GNAI1: variants seen among roughly 807,000 people sequenced by gnomAD.
GNAI1 encodes the protein G protein subunit alpha i1.
A neutral mutation model predicts 38.9 loss-of-function variants in GNAI1; 11 were observed. That is an observed-to-expected ratio of 0.28 (90% CI 0.18 to 0.47). The LOEUF is 0.47. GNAI1 is among the 20% of genes least tolerant of loss of function. GNAI1 has a pLI of 0.99. For missense variants in GNAI1, 317 were observed against 436.9 expected, an observed-to-expected ratio of 0.73 and a Z score of 2.45; for synonymous variants, 166 against 145.1, an observed-to-expected ratio of 1.14 and a Z score of -1.04.
At chr7:80,209,413 G>C (rs759679073) in intron 5 of GNAI1, among the ~76,000 whole-genome samples, 4 of 152,170 alleles carry the variant, frequency 2.6e-5, no homozygotes, top group Non-Finnish European at 5.9e-5. Flanking sequence ...CTCAGTTTTT[G>C]CCAGTTTTAG....
At chr7:80,148,908 G>A (rs574912227) in intron 1 of GNAI1, among the ~76,000 whole-genome samples, 11 of 152,178 alleles carry the variant, frequency 7.2e-5, no homozygotes, top group Non-Finnish European at 1.3e-4. Flanking sequence ...GAGGTGTTCA[G>A]TCTTGAGACT....
rs1789061230 is a variant in GNAI1 at position 80,220,883 on chromosome 7, T to G, written c.*3390T>G. ...TGTTTCGCCTATCCCCACTCTGCCCTTGAGTTCCTCTGAGCCATAATAGTT... is the reference window on the plus strand; with the variant it reads ...TGTTTCGCCTATCCCCACTCTGCCCGTGAGTTCCTCTGAGCCATAATAGTT... On this transcript the variant is annotated 3_prime_UTR_variant, in exon 8 of 8. Transcript: ENST00000649796. 6.6e-6 allele frequency among the ~76,000 whole-genome samples: 1 copy of G among 152,196 alleles called. No homozygotes were observed. The highest frequency in any genetic ancestry group is 2.4e-5 in the African/African-American group (1 of 41,456).
chr7:80,159,851 T>C (rs1787888353), intron 1 of GNAI1, among the ~76,000 whole-genome samples: 1 of 152,152 alleles, frequency 6.6e-6, no homozygotes, highest in South Asian at 2.1e-4. Flanking sequence ...AATCTCCTTA[T>C]CTGTGAAATT....
intron 1 of GNAI1, among the ~76,000 whole-genome samples, chr7:80,146,863 T>G (rs1230280571): frequency 6.6e-6 from 1 of 152,206 alleles, no homozygotes; most frequent in Non-Finnish European, 1.5e-5. Context: ...ATTCATCATG[T>G]TCTAGATATT....
intron 1 of GNAI1, among the ~76,000 whole-genome samples, chr7:80,144,244 G>A (rs1210359377): frequency 5.5e-5 from 7 of 127,604 alleles, no homozygotes; most frequent in African/African-American, 2.1e-4. Context: ...TTTTTTTTTT[G>A]GAAAATAAAG....
At chr7:80,170,833 C>T (rs1490459892) in intron 1 of GNAI1, among the ~76,000 whole-genome samples, 5 of 152,098 alleles carry the variant, frequency 3.3e-5, no homozygotes, top group Admixed American at 2.0e-4. Context: ...GACACAGACC[C>T]AAACCATATT....
At chr7:80,211,350 G>A (rs1335152682) in intron 6 of GNAI1, among the ~76,000 whole-genome samples, 1 of 151,912 alleles carries the variant, frequency 6.6e-6, no homozygotes, top group African/African-American at 2.4e-5. Flanking sequence ...CATAGCACAT[G>A]GAAATATAGT....
chr7:80,174,924 T>C (rs1484241724), intron 1 of GNAI1, among the ~76,000 whole-genome samples: 1 of 152,232 alleles, frequency 6.6e-6, no homozygotes, highest in African/African-American at 2.4e-5. Context: ...AAAGTATTAT[T>C]ATTTTCATTA....
chr7:80,157,533 A>G (rs79796548), intron 1 of GNAI1, among the ~76,000 whole-genome samples: 3,285 of 152,328 alleles, frequency 0.022, 52 homozygotes, highest in Middle Eastern at 0.034. Flanking sequence ...TGTGTTCCAC[A>G]GAGACTGTAC....
Position 80,203,735 on chromosome 7 carries a change from C to A in GNAI1, c.493C>A (p.Pro165Thr), listed in dbSNP as rs745806214. 6.0e-5 allele frequency: 95 copies of A among 1,593,772 alleles called. 1 individual carries two copies. The highest frequency in any genetic ancestry group is 7.8e-5 in the Non-Finnish European group (91 of 1,164,478). ...GAATGACTTGGACAGAATAGCTCAA[C>A]CAAATTACATCCCGACTCAACAAGA... ...YLNDLDRIAQ[P>T]NYIPTQQDVL... Residue 165 changes from proline to threonine, a missense_variant, in exon 5 of 8, where the codon CCA becomes ACA. Coordinates refer to ENST00000649796, the MANE Select transcript of GNAI1 (RefSeq NM_002069.6).
At chr7:80,172,347 GAAGGTAGTT>G (rs1209967059) in intron 1 of GNAI1, among the ~76,000 whole-genome samples, 3 of 152,212 alleles carry the variant, frequency 2.0e-5, no homozygotes, top group Non-Finnish European at 4.4e-5. Context: ...TTTGGGAGCT[GAAGGTAGTT>G]AAGTTTTGAA....
At chr7:80,197,696 CGCTT>C (rs1193573709) in intron 3 of GNAI1, among the ~76,000 whole-genome samples, 3 of 151,950 alleles carry the variant, frequency 2.0e-5, no homozygotes, top group African/African-American at 4.8e-5. Flanking sequence ...ATGCACGTGT[CGCTT>C]GCATGCATTT....
intron 1 of GNAI1, among the ~76,000 whole-genome samples, chr7:80,153,021 C>T (rs1487816597): frequency 2.6e-5 from 4 of 151,548 alleles, no homozygotes; most frequent in Admixed American, 6.6e-5. Context: ...CTGTATTTAC[C>T]GAAGAATGTA....
At chr7:80,190,782 C>T (rs868271538) in intron 3 of GNAI1, among the ~76,000 whole-genome samples, 6 of 152,078 alleles carry the variant, frequency 3.9e-5, no homozygotes, top group Admixed American at 6.5e-5. Context: ...AAGAAAAAAG[C>T]GTTGTAGCCT....
At chr7:80,195,450 GT>G (rs1788551979) in intron 3 of GNAI1, among the ~76,000 whole-genome samples, 1 of 151,674 alleles carries the variant, frequency 6.6e-6, no homozygotes, top group African/African-American at 2.4e-5. Flanking sequence ...AAAAAAAAAT[GT>G]ATTTTACATG....
intron 1 of GNAI1, among the ~76,000 whole-genome samples, chr7:80,156,009 C>G (rs370910417): frequency 8.8e-5 from 13 of 147,362 alleles, no homozygotes; most frequent in African/African-American, 3.3e-4. Context: ...CACCACTGCA[C>G]TCCAGCCTGG....
chr7:80,148,643 G>T (rs1787670497), intron 1 of GNAI1, among the ~76,000 whole-genome samples: 1 of 152,050 alleles, frequency 6.6e-6, no homozygotes, highest in Non-Finnish European at 1.5e-5. Context: ...TTTCTAGAAT[G>T]GGTTCATATC....
In GNAI1 at chr7:80,205,677, T is replaced by C. The variant is rs755568697; in HGVS notation, c.590+1845T>C. ...CAAGACCGTGTATATATCTAACTTTTACCCAACTCCATCCCCACAATACCA... is the reference window on the plus strand; with the variant it reads ...CAAGACCGTGTATATATCTAACTTTCACCCAACTCCATCCCCACAATACCA... On this transcript the variant is annotated intron_variant, in intron 5 of 7. Coordinates refer to ENST00000649796, the MANE Select transcript of GNAI1 (RefSeq NM_002069.6). 1.1e-4 allele frequency among the ~76,000 whole-genome samples: 17 copies of C among 152,220 alleles called. No homozygotes were observed. In the Middle Eastern group the frequency reaches 0.02, roughly 183 times the overall value.
intron 1 of GNAI1, among the ~76,000 whole-genome samples, chr7:80,174,417 TTATTTTCCCTCTATGAATAGTTTTTG>T (rs1282679140): frequency 6.6e-6 from 1 of 151,548 alleles, no homozygotes; most frequent in Non-Finnish European, 1.5e-5. Context: ...CTATATATGC[TTATTTTCCCTCTATGAATAGTTTTTG>T]TATCTTCTGC....
Sources: allele counts gnomAD v4.1 joint callset (sites outside exome capture counted in the v4.1 genomes callset), GRCh38; gene constraint gnomAD v4.1.1; transcripts MANE v1.5; gene names NCBI Gene and HGNC (gene_info 2026-07-23, HGNC 2026-07-21).